CACNA2D3: variants seen among roughly 807,000 people sequenced by gnomAD.
CACNA2D3 encodes calcium voltage-gated channel auxiliary subunit alpha2delta 3.
In CACNA2D3, 60 loss-of-function variants were observed where a neutral mutation model predicts 160.6. That is an observed-to-expected ratio of 0.37 (90% CI 0.30 to 0.46). The LOEUF (loss-of-function observed/expected upper bound fraction) is 0.46. Among genes scored for constraint, CACNA2D3 ranks in the 20% least tolerant of loss-of-function variants. The pLI is 1.00. For missense variants in CACNA2D3, 1,205 were observed against 1,365.0 expected (o/e 0.88, Z 1.85); for synonymous variants, 558 against 492.9 (o/e 1.13, Z -1.75).
chr3:54,521,011 G>A (rs904838079), intron 5 of CACNA2D3, among the ~76,000 whole-genome samples: 1 of 133,530 alleles, frequency 7.5e-6, no homozygotes, highest in African/African-American at 2.8e-5. Context: ...CCATTCATCT[G>A]TTGATGGGCA....
chr3:54,700,033 C>T (rs1241992758), intron 11 of CACNA2D3, among the ~76,000 whole-genome samples: 1 of 152,132 alleles, frequency 6.6e-6, no homozygotes, highest in Admixed American at 6.5e-5. Context: ...TCCTGGGTTT[C>T]CTTAGGGAGC....
At chr3:54,930,791 C>G (rs1261121033) in intron 27 of CACNA2D3, among the ~76,000 whole-genome samples, 2 of 152,162 alleles carry the variant, frequency 1.3e-5, no homozygotes, top group Non-Finnish European at 2.9e-5. Flanking sequence ...TCTGGTAGAG[C>G]AAAAGATCCA....
intron 11 of CACNA2D3, among the ~76,000 whole-genome samples, chr3:54,728,285 A>G (rs992541171): frequency 3.3e-5 from 5 of 152,000 alleles, no homozygotes; most frequent in Admixed American, 2.6e-4. Flanking sequence ...TTTTTTCTCT[A>G]TACAGTTCGA....
chr3:54,780,763 TA>T (rs1702517661), intron 13 of CACNA2D3, among the ~76,000 whole-genome samples: 1 of 152,202 alleles, frequency 6.6e-6, no homozygotes, highest in South Asian at 2.1e-4. Flanking sequence ...AAGAAGACGC[TA>T]AGAAATCCTT....
chr3:54,467,781 G>A (rs1018912219), intron 4 of CACNA2D3, among the ~76,000 whole-genome samples: 3 of 152,160 alleles, frequency 2.0e-5, no homozygotes, highest in African/African-American at 7.2e-5. Context: ...ACTACAGTTA[G>A]GAAGAATAAA....
chr3:54,784,216 G>T lies in CACNA2D3; in HGVS notation c.1380+19865G>T, dbSNP rs149815819. Among the ~76,000 whole-genome samples, 508 of 152,324 alleles carry T rather than the reference G, an allele frequency of 3.3e-3. 3 individuals are homozygous for T. The highest frequency in any genetic ancestry group is 0.011 in the African/African-American group (441 of 41,564). ...GGTGTCCGGAAGGCAGGCCAGGGCAGAGAGGTAGACCTCTGAACGGAAGCA... is the reference window on the plus strand; with the variant it reads ...GGTGTCCGGAAGGCAGGCCAGGGCATAGAGGTAGACCTCTGAACGGAAGCA... On this transcript the variant is annotated intron_variant, in intron 13 of 37. Coordinates refer to ENST00000474759, the MANE Select transcript of CACNA2D3 (RefSeq NM_018398.3).
At chr3:54,549,459 A>T (rs71301893) in intron 5 of CACNA2D3, among the ~76,000 whole-genome samples, 1 of 152,142 alleles carries the variant, frequency 6.6e-6, no homozygotes, top group African/African-American at 2.4e-5. Context: ...AACAAAAAAA[A>T]CAACAAACAA....
At chr3:54,607,460 A>T (rs1468234487) in intron 9 of CACNA2D3, among the ~76,000 whole-genome samples, 2 of 152,028 alleles carry the variant, frequency 1.3e-5, no homozygotes, top group African/African-American at 4.8e-5. Flanking sequence ...TCCCTGCATC[A>T]TTGCCATCCC....
At position 54,883,844 on chromosome 3, in the gene CACNA2D3, C is replaced by G. The variant is rs537843347; in HGVS notation, c.1913-1437C>G. ...CTCTCCTCTCTCTCCCTTCAACCCT[C>G]CTTATCTCTTGGTCCTCCCTGTTCT... On this transcript the variant is annotated intron_variant, in intron 21 of 37. Transcript: ENST00000474759. Among the ~76,000 whole-genome samples the G allele has an allele frequency of 1.0e-4, 15 of 146,266 alleles. No homozygotes were observed. The South Asian group carries it at 3.3e-3, about 33-fold the overall frequency.
chr3:54,126,275 C>G (rs1699588304), intron 2 of CACNA2D3, among the ~76,000 whole-genome samples: 2 of 152,076 alleles, frequency 1.3e-5, no homozygotes, highest in Non-Finnish European at 2.9e-5. Flanking sequence ...AATAATTGGC[C>G]ATGCATCTAT....
At chr3:54,513,670 TTTTGTTTG>T (rs139013551) in intron 5 of CACNA2D3, among the ~76,000 whole-genome samples, 27 of 151,972 alleles carry the variant, frequency 1.8e-4, no homozygotes, top group Admixed American at 1.2e-3. Context: ...TCATGCCTGT[TTTTGTTTG>T]TTTGTTTGTT....
chr3:54,964,974 G>T (rs369657851), intron 27 of CACNA2D3, among the ~76,000 whole-genome samples: 7 of 152,160 alleles, frequency 4.6e-5, no homozygotes, highest in East Asian at 3.9e-4. Flanking sequence ...AGCTTTCAGA[G>T]TGGGCTTTCT....
intron 5 of CACNA2D3, among the ~76,000 whole-genome samples, chr3:54,556,799 A>G (rs1240622811): frequency 6.6e-6 from 1 of 152,160 alleles, no homozygotes; most frequent in African/African-American, 2.4e-5. Context: ...CTCAGCCACC[A>G]TGGAGGGAAC....
chr3:54,740,460 C>A (rs1014492042), intron 11 of CACNA2D3, among the ~76,000 whole-genome samples: 1 of 152,054 alleles, frequency 6.6e-6, no homozygotes, highest in African/African-American at 2.4e-5. Context: ...GCGCATGCTT[C>A]CATAGTGGGA....
chr3:54,758,392 G>T (rs1478095324), intron 12 of CACNA2D3, among the ~76,000 whole-genome samples: 1 of 151,978 alleles, frequency 6.6e-6, no homozygotes, highest in African/African-American at 2.4e-5. Context: ...CAGGAGTGCG[G>T]TTCTCCCACC....
intron 11 of CACNA2D3, among the ~76,000 whole-genome samples, chr3:54,657,819 A>C (rs1228196311): frequency 3.9e-5 from 6 of 152,272 alleles, no homozygotes; most frequent in South Asian, 4.2e-4. Context: ...ATTTGAGGTC[A>C]GGAGTTTGAG....
At chr3:54,410,569 G>A (rs1246824029) in intron 4 of CACNA2D3, among the ~76,000 whole-genome samples, 1 of 152,078 alleles carries the variant, frequency 6.6e-6, no homozygotes. Context: ...CTGGATGACC[G>A]CACATCTGTT....
intron 2 of CACNA2D3, among the ~76,000 whole-genome samples, chr3:54,315,488 A>G (rs905905776): frequency 6.6e-6 from 1 of 152,218 alleles, no homozygotes; most frequent in African/African-American, 2.4e-5. Context: ...TTATGGTAGT[A>G]AAATGGGTCC....
At chr3:54,708,468 G>A (rs1183083323) in intron 11 of CACNA2D3, among the ~76,000 whole-genome samples, 5 of 152,196 alleles carry the variant, frequency 3.3e-5, no homozygotes, top group Non-Finnish European at 7.3e-5. Flanking sequence ...AAAGGATGGA[G>A]TTGAACAGGA....
Sources: allele counts gnomAD v4.1 joint callset (sites outside exome capture counted in the v4.1 genomes callset), GRCh38; gene constraint gnomAD v4.1.1; transcripts MANE v1.5; gene names NCBI Gene and HGNC (gene_info 2026-07-23, HGNC 2026-07-21).